The following UBE2Q2 variants were observed in gnomAD, a reference collection of about 807,000 sequenced individuals.
The protein encoded by UBE2Q2 is ubiquitin-conjugating enzyme E2 Q2.
Under a neutral mutation model 59.9 loss-of-function variants are expected in UBE2Q2, and 54 were observed. The observed-to-expected ratio is 0.90, with a 90% CI of 0.72 to 1.13. The LOEUF (loss-of-function observed/expected upper bound fraction) is 1.13, where lower values mean the gene tolerates loss of function less well. Ranked by LOEUF, UBE2Q2 falls within the 50% of genes most tolerant of loss-of-function variation. The probability of loss-of-function intolerance (pLI) is 0.00; values close to 1 mark genes in which losing one functional copy is unlikely to be tolerated. For missense variants in UBE2Q2, 433 were observed against 441.9 expected, an observed-to-expected ratio of 0.98 and a Z score of 0.18; for synonymous variants, 165 against 155.2, an observed-to-expected ratio of 1.06 and a Z score of -0.47.
intron 3 of UBE2Q2, among the ~76,000 whole-genome samples, chr15:75,865,954 C>G (rs1897450624): frequency 1.3e-5 from 2 of 152,166 alleles, no homozygotes; most frequent in Non-Finnish European, 2.9e-5. Flanking sequence ...TGAACGTACA[C>G]AGATAATGCT....
chr15:75,861,750 C>T (rs1897216659), intron 3 of UBE2Q2, among the ~76,000 whole-genome samples: 1 of 152,012 alleles, frequency 6.6e-6, no homozygotes. Flanking sequence ...ACCAATTATC[C>T]CAAAACTTAA....
chr15:75,864,898 A>AG (rs769806617), intron 3 of UBE2Q2, among the ~76,000 whole-genome samples: 68 of 152,346 alleles, frequency 4.5e-4, no homozygotes, highest in Admixed American at 1.1e-3. Flanking sequence ...CAAACATGTA[A>AG]GGGTATACAT....
intron 1 of UBE2Q2, among the ~76,000 whole-genome samples, chr15:75,845,302 G>C (rs1044502807): frequency 7.1e-4 from 108 of 152,294 alleles, no homozygotes; most frequent in African/African-American, 2.5e-3. Flanking sequence ...AAGAAGACAC[G>C]GAGATTTGAG....
At chr15:75,887,537 T>G (rs564541904) in intron 9 of UBE2Q2, among the ~76,000 whole-genome samples, 2 of 150,438 alleles carry the variant, frequency 1.3e-5, no homozygotes, top group South Asian at 4.2e-4. Flanking sequence ...TATCTTGTAC[T>G]TAAACAGGTC....
At chr15:75,850,821 T>G (rs1896599981) in intron 1 of UBE2Q2, among the ~76,000 whole-genome samples, 1 of 152,226 alleles carries the variant, frequency 6.6e-6, no homozygotes, top group South Asian at 2.1e-4. Context: ...TTATGTAAGT[T>G]ACGTCTATTG....
chr15:75,850,828 A>G lies in UBE2Q2; in HGVS notation c.181-3558A>G, dbSNP rs185344857. ...GCTTTGGTTTATGTAAGTTACGTCT[A>G]TTGGTATTTATCACTACAAGTTAAA... On this transcript the variant is annotated intron_variant, in intron 1 of 12. Coordinates refer to ENST00000267938, the MANE Select transcript of UBE2Q2 (RefSeq NM_173469.4). Among the ~76,000 whole-genome samples the G allele has an allele frequency of 4.6e-5, 7 of 152,338 alleles. No homozygotes were observed. The East Asian group carries it at 1.2e-3, about 25-fold the overall frequency.
At chr15:75,859,831 T>C (rs1450220174) in intron 2 of UBE2Q2, 47 bp from the exon 3 acceptor site, 1 of 1,410,828 alleles carries the variant, frequency 7.1e-7, no homozygotes, top group African/African-American at 1.5e-5. Flanking sequence ...TGATGTCTTC[T>C]AAGGGCTCTT....
chr15:75,885,731 G>T (rs918918287), intron 9 of UBE2Q2, among the ~76,000 whole-genome samples: 1 of 152,174 alleles, frequency 6.6e-6, no homozygotes, highest in African/African-American at 2.4e-5. Flanking sequence ...TTACAAAGTT[G>T]ATCACAAATA....
At chr15:75,869,950 A>T (rs1473385777) in intron 4 of UBE2Q2, among the ~76,000 whole-genome samples, 1 of 151,936 alleles carries the variant, frequency 6.6e-6, no homozygotes, top group East Asian at 1.9e-4. Flanking sequence ...GTCTTGATTT[A>T]AAAAAAAATT....
In UBE2Q2 at chr15:75,843,603, G is replaced by T. The variant is rs562905068; in HGVS notation, c.-64G>T. 10 of 1,454,402 alleles carry T rather than the reference G, an allele frequency of 6.9e-6. No homozygotes were observed. The East Asian group carries it at 2.7e-4, about 39-fold the overall frequency. 90.1% of individuals were successfully genotyped at this position (1,454,402 alleles called of 1,614,324 possible). A position where few individuals can be genotyped will look rare whatever the true frequency, so the allele number is the denominator to read the frequency against. On this transcript the variant is annotated 5_prime_UTR_variant, in exon 1 of 13. Transcript: ENST00000267938. ...GGTCGCGGCCGTGACGGCGGCTCCGGGCCCGGCTCCCCTTCCGCGCCCGGC... is the reference window on the plus strand; with the variant it reads ...GGTCGCGGCCGTGACGGCGGCTCCGTGCCCGGCTCCCCTTCCGCGCCCGGC...
chr15:75,865,046 A>T (rs1421003573), intron 3 of UBE2Q2, among the ~76,000 whole-genome samples: 1 of 152,228 alleles, frequency 6.6e-6, no homozygotes, highest in Non-Finnish European at 1.5e-5. Flanking sequence ...AAAATATGTA[A>T]AACATAAGCT....
At chr15:75,860,583 C>A (rs1031133349) in intron 3 of UBE2Q2, among the ~76,000 whole-genome samples, 4 of 151,980 alleles carry the variant, frequency 2.6e-5, no homozygotes, top group Admixed American at 6.6e-5. Context: ...AGAGTAAAGC[C>A]AAGTTTTCTA....
chr15:75,890,549 G>T (rs776095031), intron 10 of UBE2Q2, 66 bp downstream of exon 10: 34 of 1,443,700 alleles, frequency 2.4e-5, no homozygotes, highest in Admixed American at 1.7e-4. Flanking sequence ...AAATTAGATT[G>T]TAAGTAGAAA....
Position 75,879,292 on chromosome 15 carries a change from A to G in UBE2Q2, c.825+104A>G, listed in dbSNP as rs186672696. 72 of 616,726 alleles carry G rather than the reference A, an allele frequency of 1.2e-4. No individual in the cohort carries two copies. In the African/African-American group the frequency reaches 1.2e-3, roughly 10 times the overall value. 38.2% of individuals were successfully genotyped at this position (616,726 alleles called of 1,614,324 possible). A position where few individuals can be genotyped will look rare whatever the true frequency, so the allele number is the denominator to read the frequency against. ...GTAAAGTAGAAGATACTCATACCCT[A>G]TGGTTCAGGAATCTCGTAGACATAT... On this transcript the variant is annotated intron_variant, in intron 8 of 12. Transcript: ENST00000267938.
chr15:75,872,689 A>C (rs1296852081), intron 4 of UBE2Q2, among the ~76,000 whole-genome samples: 5 of 151,848 alleles, frequency 3.3e-5, no homozygotes, highest in Admixed American at 3.3e-4. Context: ...TTCTTTTTCT[A>C]ACTTTTTTTC....
intron 11 of UBE2Q2, among the ~76,000 whole-genome samples, chr15:75,893,002 C>CAGAAGT (rs1415208312): frequency 1.3e-5 from 2 of 151,996 alleles, no homozygotes; most frequent in Non-Finnish European, 2.9e-5. Flanking sequence ...GATGATAGGG[C>CAGAAGT]AGAAGTTGGT....
intron 2 of UBE2Q2, among the ~76,000 whole-genome samples, chr15:75,856,941 CAAA>C: frequency 8.4e-6 from 1 of 118,674 alleles, no homozygotes; most frequent in East Asian, 2.4e-4. Flanking sequence ...ACTCTGTCTC[CAAA>C]AAAAAAAAAA....
chr15:75,846,684 A>C (rs1896368529), intron 1 of UBE2Q2, among the ~76,000 whole-genome samples: 2 of 152,222 alleles, frequency 1.3e-5, no homozygotes, highest in Non-Finnish European at 2.9e-5. Flanking sequence ...AACTCTGGAA[A>C]AGGTAATGAG....
At chr15:75,878,990 G>A in intron 7 of UBE2Q2, 108 bp from the exon 8 acceptor site, 3 of 673,740 alleles carry the variant, frequency 4.5e-6, no homozygotes, top group Admixed American at 3.3e-5. Context: ...TCTGGAACTT[G>A]CCCTAGGTGC....
Sources: allele counts gnomAD v4.1 joint callset (sites outside exome capture counted in the v4.1 genomes callset), GRCh38; gene constraint gnomAD v4.1.1; transcripts MANE v1.5; gene names NCBI Gene and HGNC (gene_info 2026-07-23, HGNC 2026-07-21).